FAT3: variants seen among roughly 807,000 people sequenced by gnomAD.
FAT3 encodes FAT atypical cadherin 3.
A neutral mutation model predicts 310.2 loss-of-function variants in FAT3; 95 were observed. That is an observed-to-expected ratio of 0.31 (90% CI 0.26 to 0.36). The LOEUF is 0.36. Among genes scored for constraint, FAT3 ranks in the 10% least tolerant of loss-of-function variants. The probability of loss-of-function intolerance (pLI) is 1.00; values close to 1 mark genes in which losing one functional copy is unlikely to be tolerated. For synonymous variants in FAT3, 2,314 were observed against 2,192.9 expected (o/e 1.06, Z -1.54); for missense variants, 5,408 against 5,715.6 (o/e 0.95, Z 1.74).
chr11:92,280,972 C>T (rs1946403617), intron 1 of FAT3, among the ~76,000 whole-genome samples: 1 of 152,118 alleles, frequency 6.6e-6, no homozygotes, highest in South Asian at 2.1e-4. Flanking sequence ...CTCTAAGAAT[C>T]TGTTTTAGTG....
At position 92,799,992 on chromosome 11, in the gene FAT3, G is replaced by A. The variant is rs1947289739; in HGVS notation, c.6979G>A (p.Val2327Ile). ...CAATAAAATGGTACATTATCAGATTGTCCAGGATACCTACAATAGCACAGA... is the reference window on the plus strand; with the variant it reads ...CAATAAAATGGTACATTATCAGATTATCCAGGATACCTACAATAGCACAGA... ...ENNKMVHYQI[V>I]QDTYNSTDYF... Residue 2327 changes from valine to isoleucine, a missense_variant, in exon 10 of 28, where the codon GTC (valine) becomes ATC (isoleucine). By Grantham distance (29) the Val-to-Ile change is conservative (BLOSUM62 3). Coordinates refer to ENST00000525166, the MANE Select transcript of FAT3 (RefSeq NM_001367949.2). 6.2e-7 allele frequency: 1 copy of A among 1,613,762 alleles called. No homozygotes were observed. Among genetic ancestry groups the A allele is most frequent in the Non-Finnish European group, 8.5e-7 (1 of 1,179,806 alleles).
intron 4 of FAT3, among the ~76,000 whole-genome samples, chr11:92,718,032 G>A (rs1158897273): frequency 2.0e-5 from 3 of 152,122 alleles, no homozygotes; most frequent in Non-Finnish European, 4.4e-5. Flanking sequence ...GTCTGGGCTG[G>A]CTTGGTGACT....
intron 19 of FAT3, among the ~76,000 whole-genome samples, chr11:92,852,563 A>C (rs560628315): frequency 6.6e-6 from 1 of 152,324 alleles, no homozygotes; most frequent in South Asian, 2.1e-4. Flanking sequence ...TCCTTGCCAA[A>C]AACTATCCCC....
chr11:92,767,484 A>T (rs901443688), intron 6 of FAT3, among the ~76,000 whole-genome samples: 14 of 151,910 alleles, frequency 9.2e-5, no homozygotes, highest in Non-Finnish European at 1.5e-4. Flanking sequence ...CATCCCACCT[A>T]CCACCCATGT....
At chr11:92,439,885 C>T (rs1450108108) in intron 2 of FAT3, among the ~76,000 whole-genome samples, 3 of 151,508 alleles carry the variant, frequency 2.0e-5, no homozygotes, top group Admixed American at 6.6e-5. Flanking sequence ...CACTGCACTC[C>T]ATCCTGGATG....
intron 1 of FAT3, among the ~76,000 whole-genome samples, chr11:92,328,565 A>C (rs920021449): frequency 2.0e-5 from 3 of 152,210 alleles, no homozygotes; most frequent in African/African-American, 7.2e-5. Context: ...CCTAGAAAGT[A>C]ACAGAGAAAG....
rs776741179 is a variant in FAT3, at chr11:92,801,879, G to A, written c.8866G>A (p.Val2956Ile). 30 of 1,613,748 alleles carry A rather than the reference G, an allele frequency of 1.9e-5. No homozygotes were observed. The highest frequency in any genetic ancestry group is 8.8e-5 in the South Asian group (8 of 91,082). ...CACCTGGGACAGAGACACATCCGAC[G>A]TTAATCGCCAAGTGAGCTACCATAT... The part of the protein sequence containing the change: ...LSTWDRDTSD[V>I]NRQVSYHITG... The change falls in exon 10 of 28, where the codon GTT becomes ATT. Residue 2956 changes from valine to isoleucine, a missense_variant. Val to Ile is a conservative substitution (Grantham distance 29). Transcript: ENST00000525166.
intron 7 of FAT3, among the ~76,000 whole-genome samples, chr11:92,781,774 C>A (rs144064696): frequency 6.6e-6 from 1 of 152,044 alleles, no homozygotes; most frequent in Admixed American, 6.6e-5. Flanking sequence ...AGATGAAATA[C>A]GCTATTACAA....
chr11:92,888,026 A>G (rs1037388668), intron 25 of FAT3, among the ~76,000 whole-genome samples: 1 of 152,190 alleles, frequency 6.6e-6, no homozygotes, highest in Non-Finnish European at 1.5e-5. Context: ...GCATGTGCTG[A>G]GTCCTTTTCC....
Position 92,355,981 on chromosome 11 carries a change from T to G in FAT3, c.3292+577T>G, listed in dbSNP as rs189561197. 1.0e-3 allele frequency among the ~76,000 whole-genome samples: 159 copies of G among 152,310 alleles called. 1 individual carries two copies. The highest frequency in any genetic ancestry group is 2.1e-3 in the South Asian group (10 of 4,826). ...ACAAATGTTTTCTTAATGGAATAAA[T>G]GAGTCTTGCTATGAATTTTATTTAT... is the stretch of plus-strand genomic sequence containing the variant. On this transcript the variant is annotated intron_variant, in intron 2 of 27. Transcript: ENST00000525166.
At chr11:92,688,293 G>A (rs1473117331) in intron 3 of FAT3, among the ~76,000 whole-genome samples, 2 of 152,142 alleles carry the variant, frequency 1.3e-5, no homozygotes, top group Non-Finnish European at 2.9e-5. Context: ...TCAGAACGTT[G>A]TGGAATTCAG....
At chr11:92,877,389 C>T (rs1363015094) in intron 22 of FAT3, among the ~76,000 whole-genome samples, 1 of 152,130 alleles carries the variant, frequency 6.6e-6, no homozygotes, top group Non-Finnish European at 1.5e-5. Context: ...ATTGTTCCCC[C>T]AATGCTGTGA....
At chr11:92,567,339 C>T (rs1484124559) in intron 3 of FAT3, among the ~76,000 whole-genome samples, 1 of 149,812 alleles carries the variant, frequency 6.7e-6, no homozygotes, top group Non-Finnish European at 1.5e-5. Context: ...CAATGAGATA[C>T]CATCTCACAC....
chr11:92,793,013 T>C (rs762220121), intron 9 of FAT3, 36 bp downstream of exon 9: 1 of 1,595,158 alleles, frequency 6.3e-7, no homozygotes, highest in South Asian at 1.1e-5. Context: ...TTCAGCATAA[T>C]GCAAGGCATT....
intron 16 of FAT3, among the ~76,000 whole-genome samples, 178 bp downstream of exon 16, chr11:92,836,881 C>G (rs1339420897): frequency 6.6e-6 from 1 of 151,934 alleles, no homozygotes; most frequent in Non-Finnish European, 1.5e-5. Context: ...GAATTTTCTA[C>G]CTATAATAGA....
chr11:92,354,293 G>A lies in FAT3; in HGVS notation c.2181G>A (p.Lys727=), dbSNP rs926621887. 1.8e-5 allele frequency: 29 copies of A among 1,613,608 alleles called. No homozygotes were observed. Among genetic ancestry groups the A allele is most frequent in the Non-Finnish European group, 2.4e-5 (28 of 1,179,856 alleles). The change falls in exon 2 of 28, where the codon AAG becomes AAA. Residue 727 remains lysine, a synonymous_variant. Transcript: ENST00000525166. ...ATAGACAGGGACCATATTTTGACAA[G>A]TCTTTTCCTTCTGATGTGGCTGTAA... ...SINRQGPYFD[K]SFPSDVAVKE...
Position 92,229,498 on chromosome 11 carries a change from TTTTTTTTTGTTTTTTG to T in FAT3, c.-18+4333_-18+4348del, listed in dbSNP as rs1161229134. On this transcript the variant is annotated intron_variant, in intron 1 of 27. Coordinates refer to ENST00000525166, the MANE Select transcript of FAT3 (RefSeq NM_001367949.2). ...TCTTTTTTTGTTTTTTCGTGTTTTT[TTTTTTTTTGTTTTTTG>T]TTTTTTTTTACATTGCCTCCCTTTC... Among the ~76,000 whole-genome samples the T allele has an allele frequency of 2.8e-4, 29 of 104,090 alleles. 4 individuals are homozygous for T. Among genetic ancestry groups the T allele is most frequent in the African/African-American group, 7.8e-4 (22 of 28,370 alleles). The allele number at this position is 104,090 out of a possible 152,430, so 68.3% of individuals were successfully genotyped here. A position where few individuals can be genotyped will look rare whatever the true frequency, so the allele number is the denominator to read the frequency against.
chr11:92,728,538 C>T (rs1945069467), intron 4 of FAT3, among the ~76,000 whole-genome samples: 2 of 151,964 alleles, frequency 1.3e-5, no homozygotes, highest in South Asian at 2.1e-4. Flanking sequence ...TTTTAAAAAT[C>T]GGCATATTTG....
intron 3 of FAT3, among the ~76,000 whole-genome samples, chr11:92,551,399 C>T (rs1954811050): frequency 2.4e-5 from 1 of 42,526 alleles, no homozygotes; most frequent in Non-Finnish European, 5.2e-5. Flanking sequence ...ATCTTGGTCC[C>T]ATGTTTTTTT....
Sources: gnomAD v4.1 joint callset for allele counts (sites outside exome capture counted in the v4.1 genomes callset) on GRCh38, gnomAD v4.1.1 for gene constraint, MANE v1.5 for transcripts, NCBI Gene and HGNC (gene_info 2026-07-23, HGNC 2026-07-21) for gene names.